Variants in BPIFB6 observed in about 807,000 individuals in gnomAD.
The protein encoded by BPIFB6 is BPI fold-containing family B member 6.
Under a neutral mutation model 54.7 loss-of-function variants are expected in BPIFB6, and 47 were observed. The ratio of observed to expected loss-of-function variants is 0.86; its 90% CI spans 0.68 to 1.10. BPIFB6 has a LOEUF of 1.10. Ranked by LOEUF, BPIFB6 falls within the 50% of genes least tolerant of loss-of-function variation. BPIFB6 has a pLI of 0.00. For missense variants in BPIFB6, 603 were observed against 564.1 expected, an observed-to-expected ratio of 1.07 and a Z score of -0.70; for synonymous variants, 255 against 225.9, an observed-to-expected ratio of 1.13 and a Z score of -1.16.
intron 11 of BPIFB6, among the ~76,000 whole-genome samples, chr20:33,041,021 G>T (rs769381302): frequency 1.5e-5 from 2 of 133,318 alleles, no homozygotes; most frequent in South Asian, 2.3e-4. Context: ...ACAGAGTCTC[G>T]CTCTGTTGCC....
chr20:33,032,759 C>T (rs1055481750), intron 1 of BPIFB6, among the ~76,000 whole-genome samples: 4 of 152,208 alleles, frequency 2.6e-5, no homozygotes, highest in Non-Finnish European at 5.9e-5. Flanking sequence ...TGGAAGCCTT[C>T]CCCAGCTCTT....
At chr20:33,041,059 G>A (rs1304135675) in intron 11 of BPIFB6, among the ~76,000 whole-genome samples, 2 of 146,568 alleles carry the variant, frequency 1.4e-5, no homozygotes, top group Non-Finnish European at 3.0e-5. Flanking sequence ...GCGCAATCTC[G>A]GCTCACTGCA....
At chr20:33,038,594 C>T (rs1409146664) in intron 8 of BPIFB6, among the ~76,000 whole-genome samples, 1 of 152,206 alleles carries the variant, frequency 6.6e-6, no homozygotes, top group Non-Finnish European at 1.5e-5. Flanking sequence ...CCCCATCCAT[C>T]TGTCTATTCA....
intron 13 of BPIFB6, 132 bp from the exon 14 acceptor site, chr20:33,043,159 T>C: frequency 2.4e-6 from 2 of 834,870 alleles, no homozygotes; most frequent in Admixed American, 2.0e-5. Flanking sequence ...GCTTATTAGC[T>C]CTTTGCTTGT....
chr20:33,043,032 T>C (rs1476550249), intron 13 of BPIFB6, among the ~76,000 whole-genome samples, 154 bp downstream of exon 13: 1 of 152,236 alleles, frequency 6.6e-6, no homozygotes, highest in East Asian at 1.9e-4. Flanking sequence ...GAAGTGAATA[T>C]AGTCTTAATG....
At chr20:33,035,008 C>G in intron 4 of BPIFB6, 73 bp from the exon 5 acceptor site, 1 of 1,609,086 alleles carries the variant, frequency 6.2e-7, no homozygotes, top group Non-Finnish European at 8.5e-7. Context: ...TAACCATGCC[C>G]CTTCATGTCC....
rs1979457246 is a variant in BPIFB6 at position 33,038,900 on chromosome 20, A to G, written c.847-9A>G. 2 of 1,613,888 alleles carry G rather than the reference A, an allele frequency of 1.2e-6. No individual in the cohort carries two copies. Among genetic ancestry groups the G allele is most frequent in the South Asian group, 1.1e-5 (1 of 91,050 alleles). The stretch of plus-strand genomic sequence containing the variant: ...TCCAGCAACCCTAACCTTGACTTTT[A>G]TTCTGTAGATTGGTGAGCTGCCCCC... On this transcript the variant is annotated splice_polypyrimidine_tract_variant and intron_variant, in intron 8 of 14. Coordinates refer to ENST00000349552, the MANE Select transcript of BPIFB6 (RefSeq NM_174897.2).
chr20:33,031,880 A>G, intron 1 of BPIFB6, 136 bp downstream of exon 1: 1 of 697,354 alleles, frequency 1.4e-6, no homozygotes. Context: ...TGTTATTATT[A>G]TTCTCCCACT....
chr20:33,043,157 G>T (rs1264401109), intron 13 of BPIFB6, 134 bp from the exon 14 acceptor site: 2 of 826,064 alleles, frequency 2.4e-6, no homozygotes, highest in East Asian at 4.9e-5. Flanking sequence ...AGGCTTATTA[G>T]CTCTTTGCTT....
rs202105575 is a variant in BPIFB6 at position 33,037,610 on chromosome 20, G to A, written c.718G>A (p.Gly240Arg). The A allele has an allele frequency of 5.8e-5, 93 of 1,613,886 alleles. No homozygotes were observed. Among genetic ancestry groups the A allele is most frequent in the Middle Eastern group, 3.3e-4 (2 of 6,050 alleles). Residue 240 changes from glycine to arginine, a missense_variant, in exon 8 of 15, where the codon GGG becomes AGG. Physicochemically the swap from Gly to Arg is moderately radical, Grantham distance 125. Coordinates refer to ENST00000349552, the MANE Select transcript of BPIFB6 (RefSeq NM_174897.2). ...KGKTIKLADA[G>R]EALTFPEGYA... ...CAAAACCATCAAGCTTGCTGATGCC[G>A]GGGAGGCCCTCACGTTCCCTGAGGG...
rs374209357 is a variant in BPIFB6, at chr20:33,035,596, C to T, written c.517-16C>T. On this transcript the variant is annotated splice_polypyrimidine_tract_variant and intron_variant, in intron 5 of 14. Transcript: ENST00000349552. ...ATGCAGGGACCCTCTCAGCCCAGTG[C>T]CTTCTCTGCTTCCAGATGTGTCCCG... 49 of 1,613,938 alleles carry T rather than the reference C, an allele frequency of 3.0e-5. 1 individual carries two copies. The African/African-American group carries it at 5.9e-4, about 19-fold the overall frequency.
chr20:33,043,196 C>A, intron 13 of BPIFB6, 95 bp from the exon 14 acceptor site: 1 of 1,064,220 alleles, frequency 9.4e-7, no homozygotes, highest in Non-Finnish European at 1.5e-6. Flanking sequence ...ATGAATCAAT[C>A]ACTGCACTAT....
chr20:33,035,001 C>A, intron 4 of BPIFB6, 80 bp from the exon 5 acceptor site: 3 of 1,608,752 alleles, frequency 1.9e-6, no homozygotes, highest in Non-Finnish European at 1.7e-6. Flanking sequence ...ACCCCCTTAA[C>A]CATGCCCCTT....
At chr20:33,039,541 C>T in intron 10 of BPIFB6, 21 bp downstream of exon 10, 1 of 1,588,318 alleles carries the variant, frequency 6.3e-7, no homozygotes. Flanking sequence ...TCGTTCCCTT[C>T]CCCATTTATT....
chr20:33,031,697 G>C lies in BPIFB6; in HGVS notation c.50G>C (p.Arg17Pro). ...CTCTGCAGCCTGCTGACTGGCACGCGAGCTGACCCTGGGGCACTGCTGCGG... is the reference window on the plus strand; with the variant it reads ...CTCTGCAGCCTGCTGACTGGCACGCCAGCTGACCCTGGGGCACTGCTGCGG... Reference protein sequence around the residue: ...LALCSLLTGTRADPGALLRLG... With the variant: ...LALCSLLTGTPADPGALLRLG... Residue 17 changes from arginine (R) to proline (P), a missense_variant, in exon 1 of 15, where the codon CGA becomes CCA. Arg to Pro is a moderately radical substitution (Grantham distance 103, BLOSUM62 -2). Coordinates refer to ENST00000349552, the MANE Select transcript of BPIFB6 (RefSeq NM_174897.2). The C allele has an allele frequency of 6.2e-7, 1 of 1,614,098 alleles. No homozygotes were observed. The highest frequency in any genetic ancestry group is 8.5e-7 in the Non-Finnish European group (1 of 1,180,010).
In BPIFB6 at chr20:33,041,961, C is replaced by T. The variant is rs923605204; in HGVS notation, c.1143-9C>T. 1.9e-5 allele frequency: 30 copies of T among 1,613,822 alleles called. No homozygotes were observed. The highest frequency in any genetic ancestry group is 2.5e-5 in the Non-Finnish European group (30 of 1,179,888). The stretch of plus-strand genomic sequence containing the variant: ...TCCCCGCCTGGCTTGCTTCCCCACT[C>T]CCCCACAGATTACTGAGCTTGTCCC... On this transcript the variant is annotated splice_polypyrimidine_tract_variant and intron_variant, in intron 11 of 14. Coordinates refer to ENST00000349552, the MANE Select transcript of BPIFB6 (RefSeq NM_174897.2).
intron 7 of BPIFB6, 138 bp from the exon 8 acceptor site, chr20:33,037,424 T>C (rs1979388243): frequency 2.5e-6 from 2 of 796,046 alleles, no homozygotes; most frequent in East Asian, 2.8e-5. Flanking sequence ...CTGTAGCCCA[T>C]TGTGGTTCTC....
intron 9 of BPIFB6, 107 bp from the exon 10 acceptor site, chr20:33,039,240 T>G: frequency 8.4e-7 from 1 of 1,189,548 alleles, no homozygotes; most frequent in Non-Finnish European, 1.2e-6. Context: ...CATGTTGTAC[T>G]TCCTGTGTCC....
In BPIFB6 at chr20:33,043,307, G is replaced by C; in HGVS notation, c.1269G>C (p.Gly423=). The C allele has an allele frequency of 6.2e-7, 1 of 1,614,124 alleles. No individual in the cohort carries two copies. The highest frequency in any genetic ancestry group is 8.5e-7 in the Non-Finnish European group (1 of 1,179,986). ...ATTTCTCAGATGTGCTTCAAGTGGG[G>C]CTCCCACTCCCGGACTTTCTGGCCA... is the stretch of plus-strand genomic sequence containing the variant. ...IPVVNDVLQV[G]LPLPDFLAMN... is the part of the protein sequence containing the mutation. The change falls in exon 14 of 15, where the codon GGG becomes GGC. Residue 423 remains glycine (G), a synonymous_variant. Transcript: ENST00000349552.
Sources: gnomAD v4.1 joint callset for allele counts (sites outside exome capture counted in the v4.1 genomes callset) on GRCh38, gnomAD v4.1.1 for gene constraint, MANE v1.5 for transcripts, NCBI Gene and HGNC (gene_info 2026-07-23, HGNC 2026-07-21) for gene names.